MLIP: variants seen among roughly 807,000 people sequenced by gnomAD.
MLIP encodes the protein muscular LMNA interacting protein, also known as muscular LMNA-interacting protein.
In MLIP, 79 loss-of-function variants were observed where a neutral mutation model predicts 84.8. The ratio of observed to expected loss-of-function variants is 0.93; its 90% CI spans 0.78 to 1.12. MLIP has a LOEUF of 1.12. MLIP is among the 50% of genes most tolerant of loss of function. MLIP has a pLI of 0.00. For missense variants in MLIP, 1,257 were observed against 1,160.6 expected (o/e 1.08, Z -1.21); for synonymous variants, 504 against 463.0 (o/e 1.09, Z -1.14).
At chr6:54,079,710 G>T (rs1767014290) in intron 1 of MLIP, 1 of 151,936 alleles carries the variant, frequency 6.6e-6, no homozygotes, top group Non-Finnish European at 1.5e-5. Flanking sequence ...CCACCATATT[G>T]TGGGAGTCCA....
At chr6:54,163,634 C>A (rs1774884460) in intron 8 of MLIP, among the ~76,000 whole-genome samples, 1 of 151,892 alleles carries the variant, frequency 6.6e-6, no homozygotes, top group South Asian at 2.1e-4. Flanking sequence ...GCACTTTTCA[C>A]TTTCTACTTG....
chr6:54,239,368 A>ATATATATATATAATATATATATAT (rs1781574583), intron 12 of MLIP, among the ~76,000 whole-genome samples: 1 of 141,756 alleles, frequency 7.1e-6, no homozygotes, highest in Non-Finnish European at 1.5e-5. Context: ...TATATATATA[A>ATATATATATATAATATATATATAT]TATATATATA....
At chr6:54,192,152 T>C (rs1777980954) in intron 10 of MLIP, among the ~76,000 whole-genome samples, 2 of 152,020 alleles carry the variant, frequency 1.3e-5, no homozygotes, top group South Asian at 4.1e-4. Context: ...ATGACTTTTA[T>C]AATAATTTCT....
chr6:54,119,581 T>C (rs1237503374), intron 1 of MLIP, among the ~76,000 whole-genome samples: 1 of 152,170 alleles, frequency 6.6e-6, no homozygotes, highest in African/African-American at 2.4e-5. Flanking sequence ...AAAATATATA[T>C]AATTACAGTT....
rs115738440 is a variant in MLIP, at chr6:54,055,166, G to A, written c.63+36075G>A. Among the ~76,000 whole-genome samples the A allele has an allele frequency of 8.5e-3, 1,294 of 152,278 alleles. 20 individuals carry two copies. Among genetic ancestry groups the A allele is most frequent in the African/African-American group, 0.028 (1,153 of 41,552 alleles). On this transcript the variant is annotated intron_variant, in intron 1 of 12. Coordinates refer to the MLIP transcript ENST00000274897. Reference sequence around the variant, plus strand: ...CTCCCAAAGTGTTGGGACTACTGGCGTGAGCCACCGCACCCGGCCTCATCA... The same window carrying A: ...CTCCCAAAGTGTTGGGACTACTGGCATGAGCCACCGCACCCGGCCTCATCA...
At chr6:54,229,343 T>G (rs954505540) in intron 11 of MLIP, among the ~76,000 whole-genome samples, 2 of 152,224 alleles carry the variant, frequency 1.3e-5, no homozygotes, top group African/African-American at 4.8e-5. Context: ...TCTTTTTAAA[T>G]TTTAAATTTA....
chr6:54,048,423 G>A (rs746073669), intron 1 of MLIP, among the ~76,000 whole-genome samples: 3 of 152,160 alleles, frequency 2.0e-5, no homozygotes, highest in Admixed American at 6.5e-5. Context: ...GAGAGCAGAG[G>A]TTATTCAGAG....
At chr6:54,166,057 G>GT (rs1280755089) in intron 8 of MLIP, among the ~76,000 whole-genome samples, 1 of 151,814 alleles carries the variant, frequency 6.6e-6, no homozygotes, top group Non-Finnish European at 1.5e-5. Flanking sequence ...AATTTCTGTT[G>GT]TTTATAAGCC....
chr6:54,078,382 A>C (rs1766930929), intron 1 of MLIP, among the ~76,000 whole-genome samples: 1 of 152,178 alleles, frequency 6.6e-6, no homozygotes, highest in African/African-American at 2.4e-5. Context: ...GCTTGAGCCC[A>C]AGAGCTCAAG....
intron 1 of MLIP, among the ~76,000 whole-genome samples, chr6:54,033,236 C>T (rs1447556634): frequency 6.6e-6 from 1 of 151,250 alleles, no homozygotes; most frequent in Admixed American, 6.6e-5. Flanking sequence ...GAGGTAGTTG[C>T]TATTTTCCCA....
intron 11 of MLIP, among the ~76,000 whole-genome samples, chr6:54,227,045 G>A (rs1446935293): frequency 6.6e-6 from 1 of 152,210 alleles, no homozygotes; most frequent in Non-Finnish European, 1.5e-5. Context: ...TAGATCATGG[G>A]GGCAGATTTC....
intron 11 of MLIP, among the ~76,000 whole-genome samples, chr6:54,207,417 C>G (rs9370270): frequency 4.2e-5 from 6 of 144,022 alleles, no homozygotes; most frequent in East Asian, 2.1e-4. Context: ...GCACCCCCCC[C>G]CCCTTTTTTG....
chr6:54,079,328 C>G (rs902291447), intron 1 of MLIP, among the ~76,000 whole-genome samples: 2 of 152,178 alleles, frequency 1.3e-5, no homozygotes, highest in African/African-American at 4.8e-5. Context: ...GCAGGTAAAG[C>G]ACCTCTAATG....
intron 11 of MLIP, among the ~76,000 whole-genome samples, chr6:54,229,099 T>A (rs1342483056): frequency 6.6e-6 from 1 of 152,238 alleles, no homozygotes; most frequent in African/African-American, 2.4e-5. Context: ...AAATGAAAAG[T>A]ATCATAACTG....
intron 4 of MLIP, among the ~76,000 whole-genome samples, chr6:54,140,727 G>A (rs1251816840): frequency 6.6e-6 from 1 of 152,012 alleles, no homozygotes; most frequent in East Asian, 1.9e-4. Flanking sequence ...CGTATCTTGA[G>A]TATAAAAAAC....
chr6:54,255,963 A>C (rs1782978625), intron 12 of MLIP, among the ~76,000 whole-genome samples: 1 of 152,142 alleles, frequency 6.6e-6, no homozygotes, highest in Admixed American at 6.6e-5. Context: ...CAGTACCTAG[A>C]GTCTGATCCT....
intron 1 of MLIP, among the ~76,000 whole-genome samples, chr6:54,082,600 AG>A (rs1187809313): frequency 6.6e-6 from 1 of 152,210 alleles, no homozygotes; most frequent in Non-Finnish European, 1.5e-5. Context: ...TTCTCTCCAA[AG>A]TAGATTTACC....
chr6:54,098,865 A>G (rs1768423038), intron 1 of MLIP, among the ~76,000 whole-genome samples: 1 of 152,124 alleles, frequency 6.6e-6, no homozygotes, highest in African/African-American at 2.4e-5. Flanking sequence ...TATTATCCCT[A>G]TTTTACAGAT....
In MLIP at chr6:54,164,406, C is replaced by T. The variant is rs77611440; in HGVS notation, c.2499+3607C>T. 8.2e-3 allele frequency among the ~76,000 whole-genome samples: 1,246 copies of T among 151,992 alleles called. 17 individuals carry two copies. Among genetic ancestry groups the T allele is most frequent in the African/African-American group, 0.028 (1,159 of 41,492 alleles). ...AGATTTTGGTCAGTATCTATTCTTT[C>T]CTTCAATTCCTGTATTACATTCTTT... On this transcript the variant is annotated intron_variant, in intron 8 of 13. Coordinates refer to ENST00000502396, the MANE Select transcript of MLIP (RefSeq NM_001281747.2).
Sources: gnomAD v4.1 joint callset for allele counts (sites outside exome capture counted in the v4.1 genomes callset) on GRCh38, gnomAD v4.1.1 for gene constraint, MANE v1.5 for transcripts, NCBI Gene and HGNC (gene_info 2026-07-23, HGNC 2026-07-21) for gene names.